The following ARHGAP39 variants were observed in gnomAD, a reference collection of about 807,000 sequenced individuals.
ARHGAP39 encodes the protein rho GTPase-activating protein 39.
ARHGAP39 carries 44 observed loss-of-function variants against 106.9 expected under a neutral mutation model. That is an observed-to-expected ratio of 0.41 (90% CI 0.32 to 0.53). The LOEUF (loss-of-function observed/expected upper bound fraction) is 0.53, where lower values mean the gene tolerates loss of function less well. Among genes scored for constraint, ARHGAP39 ranks in the 20% least tolerant of loss-of-function variants. The probability of loss-of-function intolerance (pLI) is 0.21; values close to 1 mark genes in which losing one functional copy is unlikely to be tolerated. For synonymous variants in ARHGAP39, 768 were observed against 693.2 expected, an observed-to-expected ratio of 1.11 and a Z score of -1.69; for missense variants, 1,496 against 1,577.3, an observed-to-expected ratio of 0.95 and a Z score of 0.87.
intron 4 of ARHGAP39, among the ~76,000 whole-genome samples, chr8:144,554,079 C>T (rs1240970048): frequency 6.6e-6 from 1 of 152,262 alleles, no homozygotes; most frequent in Non-Finnish European, 1.5e-5. Context: ...AGGTGCCAGC[C>T]TCTGAGAGGG....
chr8:144,696,648 TTTA>T, the ARHGAP39 span, among the ~76,000 whole-genome samples: 1 of 152,168 alleles, frequency 6.6e-6, no homozygotes, highest in African/African-American at 2.4e-5. Context: ...TTAAAAAAAT[TTTA>T]TTGTGGTAAA....
intron 1 of ARHGAP39, among the ~76,000 whole-genome samples, chr8:144,611,392 G>A (rs1466955011): frequency 3.3e-5 from 5 of 152,208 alleles, no homozygotes; most frequent in African/African-American, 1.2e-4. Context: ...GGTTGATGGT[G>A]CTGATACTAA....
At chr8:144,635,289 G>T (rs1227364637) in intron 1 of ARHGAP39, among the ~76,000 whole-genome samples, 1 of 152,180 alleles carries the variant, frequency 6.6e-6, no homozygotes, top group African/African-American at 2.4e-5. Context: ...GGTTAAGTTG[G>T]TCACCAACGG....
chr8:144,630,138 G>A (rs926869226), intron 1 of ARHGAP39, among the ~76,000 whole-genome samples: 25 of 152,118 alleles, frequency 1.6e-4, no homozygotes, highest in African/African-American at 5.6e-4. Flanking sequence ...AACAGGAACC[G>A]GCAGGCCTGG....
At chr8:144,577,994 TTTG>T (rs1332869642) in intron 3 of ARHGAP39, among the ~76,000 whole-genome samples, 2 of 152,226 alleles carry the variant, frequency 1.3e-5, no homozygotes, top group African/African-American at 2.4e-5. Flanking sequence ...AAGCTTTTTT[TTTG>T]TTGTTGTTAA....
At chr8:144,576,251 T>C (rs1003182918) in intron 3 of ARHGAP39, among the ~76,000 whole-genome samples, 1 of 146,200 alleles carries the variant, frequency 6.8e-6, no homozygotes, top group African/African-American at 2.6e-5. Context: ...GAAAATTGCT[T>C]GAACCTGGGA....
rs140163788 is a variant in ARHGAP39 at position 144,673,117 on chromosome 8, T to G, written c.-82+12569A>C. Among the ~76,000 whole-genome samples the G allele has an allele frequency of 8.9e-3, 1,358 of 151,876 alleles. 10 individuals carry two copies. The highest frequency in any genetic ancestry group is 0.015 in the Non-Finnish European group (1,040 of 67,990). ...CTATTGTTCCAGCTACTTGGGAGGC[T>G]GAGGCAGGAGGATCGCTTGAGCCCA... On this transcript the variant is annotated intron_variant, in intron 1 of 11. Coordinates refer to ENST00000377307, the MANE Select transcript of ARHGAP39 (RefSeq NM_025251.3).
At position 144,641,858 on chromosome 8, in the gene ARHGAP39, C is replaced by G. The variant is rs1821320396; in HGVS notation, c.-81-36163G>C. On this transcript the variant is annotated intron_variant, in intron 1 of 11. Coordinates refer to ENST00000377307, the MANE Select transcript of ARHGAP39 (RefSeq NM_025251.3). This position sits in a 1 kb window ranked among gnomAD's most constrained non-coding sequence, Gnocchi z 5.2. ...GTGCAGCCACGAGGAGGAGGGGTAC[C>G]TGCCACAAGCTCCGGGTGGGCCACT... is the stretch of plus-strand genomic sequence containing the variant. Among the ~76,000 whole-genome samples, 1 of 152,252 alleles carries G rather than the reference C, an allele frequency of 6.6e-6. No homozygotes were observed. The highest frequency in any genetic ancestry group is 1.5e-5 in the Non-Finnish European group (1 of 68,042).
At chr8:144,607,915 G>C (rs1363346379) in intron 1 of ARHGAP39, among the ~76,000 whole-genome samples, 4 of 152,146 alleles carry the variant, frequency 2.6e-5, no homozygotes, top group Non-Finnish European at 5.9e-5. Flanking sequence ...CCAGCACTTT[G>C]GGAGGCCGAG....
At chr8:144,642,480 C>G (rs1249974743) in intron 1 of ARHGAP39, among the ~76,000 whole-genome samples, 1 of 151,610 alleles carries the variant, frequency 6.6e-6, no homozygotes, top group Non-Finnish European at 1.5e-5. Flanking sequence ...GAGTGAGACT[C>G]CGTCTTAGGG....
intron 6 of ARHGAP39, 134 bp from the exon 7 acceptor site, chr8:144,537,947 C>G (rs944122949): frequency 1.3e-6 from 1 of 746,796 alleles, no homozygotes. Context: ...GGGGGCTGAG[C>G]GTTTCTGGGG....
Position 144,555,416 on chromosome 8 carries a change from G to C in ARHGAP39, c.596+144C>G, listed in dbSNP as rs1024866378. On this transcript the variant is annotated intron_variant, in intron 4 of 11. Coordinates refer to ENST00000377307, the MANE Select transcript of ARHGAP39 (RefSeq NM_025251.3). ...CTAAGGGGCTCCTGTCCAGGCCCCT[G>C]GCCCTGTGGCCTCCACGGCCTTTCC... The C allele has an allele frequency of 1.6e-5, 12 of 738,508 alleles. No homozygotes were observed. In the African/African-American group the frequency reaches 2.1e-4, roughly 13 times the overall value. The allele number at this position is 738,508 out of a possible 1,614,324, so 45.7% of individuals were successfully genotyped here.
chr8:144,619,158 C>T (rs1054372462), intron 1 of ARHGAP39, among the ~76,000 whole-genome samples: 2 of 152,330 alleles, frequency 1.3e-5, no homozygotes, highest in Non-Finnish European at 2.9e-5. Flanking sequence ...GGGCAACAGG[C>T]GCTTGCTTCC....
At chr8:144,596,221 C>A (rs1381606407) in intron 2 of ARHGAP39, among the ~76,000 whole-genome samples, 1 of 150,258 alleles carries the variant, frequency 6.7e-6, no homozygotes, top group African/African-American at 2.4e-5. Context: ...GCTAAGGCCT[C>A]GCCACCCCGG....
At chr8:144,542,384 C>T (rs560853737) in intron 6 of ARHGAP39, among the ~76,000 whole-genome samples, 3 of 152,292 alleles carry the variant, frequency 2.0e-5, no homozygotes, top group Non-Finnish European at 4.4e-5. Context: ...AGGTGCTGGC[C>T]GATGAGTCAA....
chr8:144,664,822 TTC>T (rs1206939552), intron 1 of ARHGAP39, among the ~76,000 whole-genome samples: 1 of 152,212 alleles, frequency 6.6e-6, no homozygotes, highest in Non-Finnish European at 1.5e-5. Flanking sequence ...CCAATTAAAC[TTC>T]TTTTTGTTCC....
chr8:144,564,027 C>A (rs1287254968), intron 3 of ARHGAP39, among the ~76,000 whole-genome samples: 1 of 152,140 alleles, frequency 6.6e-6, no homozygotes, highest in African/African-American at 2.4e-5. Context: ...AAAATTAAAA[C>A]AGAAAGTGAG....
chr8:144,622,830 C>T (rs1413894012), intron 1 of ARHGAP39, among the ~76,000 whole-genome samples: 3 of 152,266 alleles, frequency 2.0e-5, no homozygotes, highest in Non-Finnish European at 2.9e-5. Flanking sequence ...AGCTGGCCTG[C>T]GCCCGCTCCT....
At chr8:144,583,544 A>G (rs1168199965) in intron 2 of ARHGAP39, among the ~76,000 whole-genome samples, 1 of 152,118 alleles carries the variant, frequency 6.6e-6, no homozygotes, top group African/African-American at 2.4e-5. Flanking sequence ...GGGATCCCGT[A>G]AGGCCCCTGA....
Sources: allele counts gnomAD v4.1 joint callset (sites outside exome capture counted in the v4.1 genomes callset), GRCh38; gene constraint gnomAD v4.1.1; non-coding constraint Gnocchi (gnomAD v3.1); transcripts MANE v1.5; gene names NCBI Gene and HGNC (gene_info 2026-07-23, HGNC 2026-07-21).